Variants in MACROD2 observed in about 807,000 individuals in gnomAD.
MACROD2 encodes the protein ADP-ribose glycohydrolase MACROD2.
Under a neutral mutation model 70.4 loss-of-function variants are expected in MACROD2, and 36 were observed. That is an observed-to-expected ratio of 0.51 (90% CI 0.39 to 0.68). The LOEUF (loss-of-function observed/expected upper bound fraction) is 0.68. Ranked by LOEUF, MACROD2 falls within the 30% of genes least tolerant of loss-of-function variation. The pLI, the probability that MACROD2 is intolerant of heterozygous loss-of-function variation, is 0.00. For missense variants in MACROD2, 496 were observed against 538.4 expected (o/e 0.92, Z 0.78); for synonymous variants, 172 against 178.8 (o/e 0.96, Z 0.30).
At chr20:15,592,795 G>A (rs1207347141) in intron 8 of MACROD2, among the ~76,000 whole-genome samples, 1 of 152,110 alleles carries the variant, frequency 6.6e-6, no homozygotes, top group East Asian at 1.9e-4. Context: ...AAATATGCTG[G>A]AATAACTGGA....
At chr20:14,526,738 G>C (rs2423800) in intron 4 of MACROD2, among the ~76,000 whole-genome samples, 124,734 of 152,222 alleles carry the variant, frequency 0.82, 51,516 homozygotes, top group East Asian at 1. Context: ...TCCTGCTGCT[G>C]AAACCTCTAG....
At chr20:15,896,526 A>T (rs2064975073) in intron 10 of MACROD2, among the ~76,000 whole-genome samples, 1 of 138,734 alleles carries the variant, frequency 7.2e-6, no homozygotes, top group Non-Finnish European at 1.5e-5. Context: ...CAGTTTGTTA[A>T]TGTCACAATC....
chr20:14,672,341 G>A (rs2030826682), intron 4 of MACROD2, among the ~76,000 whole-genome samples: 1 of 152,214 alleles, frequency 6.6e-6, no homozygotes, highest in African/African-American at 2.4e-5. Context: ...GCTAAGCAGA[G>A]TTCTAAGAGA....
At chr20:15,220,723 G>C (rs1601248591) in intron 5 of MACROD2, among the ~76,000 whole-genome samples, 1 of 152,200 alleles carries the variant, frequency 6.6e-6, no homozygotes, top group South Asian at 2.1e-4. Flanking sequence ...CACAGTGTAG[G>C]AATCTCCATG....
chr20:15,796,046 G>A (rs1443669373), intron 8 of MACROD2, among the ~76,000 whole-genome samples: 2 of 152,172 alleles, frequency 1.3e-5, no homozygotes, highest in African/African-American at 4.8e-5. Flanking sequence ...TTCAGTGGGG[G>A]TGCATCTGTT....
chr20:14,907,595 T>C (rs999047836), intron 5 of MACROD2, among the ~76,000 whole-genome samples: 4 of 152,054 alleles, frequency 2.6e-5, no homozygotes, highest in African/African-American at 9.7e-5. Flanking sequence ...TAAATTAGAA[T>C]TTGCTGGGTC....
chr20:16,034,262 A>T (rs985921939), intron 15 of MACROD2, among the ~76,000 whole-genome samples: 40 of 151,964 alleles, frequency 2.6e-4, no homozygotes, highest in Non-Finnish European at 1.5e-5. Flanking sequence ...TTTGTGGGAA[A>T]GCATCATTAC....
intron 5 of MACROD2, among the ~76,000 whole-genome samples, chr20:14,727,956 C>T (rs2071549538): frequency 6.6e-6 from 1 of 152,056 alleles, no homozygotes; most frequent in Admixed American, 6.6e-5. Flanking sequence ...TTTCATAGCC[C>T]ATGAATTTCA....
chr20:15,407,217 G>A (rs1412722072), intron 6 of MACROD2, among the ~76,000 whole-genome samples: 2 of 152,188 alleles, frequency 1.3e-5, no homozygotes, highest in African/African-American at 4.8e-5. Context: ...GGGAGGTTGT[G>A]CTTTGTTCAG....
intron 8 of MACROD2, among the ~76,000 whole-genome samples, chr20:15,810,017 C>T (rs915066732): frequency 7.8e-6 from 1 of 128,568 alleles, no homozygotes; most frequent in Admixed American, 8.0e-5. Context: ...CTCCCCCCTC[C>T]CCCCACCCCA....
chr20:15,821,172 A>G (rs140619215), intron 8 of MACROD2, among the ~76,000 whole-genome samples: 3 of 152,220 alleles, frequency 2.0e-5, no homozygotes, highest in African/African-American at 7.2e-5. Flanking sequence ...TCGTGTATAT[A>G]TTTCCTTAAA....
intron 5 of MACROD2, among the ~76,000 whole-genome samples, chr20:14,880,317 AT>A (rs1489907933): frequency 1.3e-5 from 2 of 152,166 alleles, no homozygotes; most frequent in African/African-American, 4.8e-5. Flanking sequence ...GCTGCATTTC[AT>A]GTGACAATTC....
intron 3 of MACROD2, among the ~76,000 whole-genome samples, chr20:14,276,186 A>C (rs1346501124): frequency 6.6e-6 from 1 of 152,156 alleles, no homozygotes; most frequent in Non-Finnish European, 1.5e-5. Context: ...GCGTATGTTT[A>C]TTGCAGCACT....
intron 8 of MACROD2, among the ~76,000 whole-genome samples, chr20:15,733,215 A>G (rs1232867369): frequency 6.6e-6 from 1 of 152,030 alleles, no homozygotes; most frequent in Non-Finnish European, 1.5e-5. Context: ...TCTTTCATGT[A>G]TGATATTAGT....
chr20:14,500,969 A>T (rs2084908806), intron 4 of MACROD2, among the ~76,000 whole-genome samples: 1 of 151,838 alleles, frequency 6.6e-6, no homozygotes, highest in Non-Finnish European at 1.5e-5. Flanking sequence ...CAACATGTTT[A>T]TATAGTTCGG....
At chr20:15,660,737 C>T (rs2049809046) in intron 8 of MACROD2, among the ~76,000 whole-genome samples, 4 of 152,192 alleles carry the variant, frequency 2.6e-5, no homozygotes, top group Admixed American at 2.0e-4. Flanking sequence ...GACCCACAGG[C>T]ATGAACTGTG....
chr20:14,322,202 T>TATATATATATATA lies in MACROD2; in HGVS notation c.272-171277_272-171276insATATATATATATA, dbSNP rs1568553958. 1.9e-4 allele frequency among the ~76,000 whole-genome samples: 10 copies of TATATATATATATA among 53,736 alleles called. No individual in the cohort carries two copies. The East Asian group carries it at 3.0e-3, about 16-fold the overall frequency. The allele number at this position is 53,736 out of a possible 152,430, so 35.3% of individuals were successfully genotyped here. A position where few individuals can be genotyped will look rare whatever the true frequency, so the allele number is the denominator to read the frequency against. ...TATATATATATATATATATATATAT[T>TATATATATATATA]TTGTATTTTGCAAAGCAACTGGATT... On this transcript the variant is annotated intron_variant, in intron 3 of 17. Coordinates refer to ENST00000684519, the MANE Select transcript of MACROD2 (RefSeq NM_001351661.2).
At chr20:14,850,092 G>A (rs759755930) in intron 5 of MACROD2, 5 of 451,270 alleles carry the variant, frequency 1.1e-5, no homozygotes, top group Admixed American at 2.5e-5. Flanking sequence ...CCAAAATAAC[G>A]TAGGATGGAG....
At chr20:14,100,657 A>AATATATATTT (rs1206107917) in intron 3 of MACROD2, among the ~76,000 whole-genome samples, 3,272 of 139,284 alleles carry the variant, frequency 0.023, 110 homozygotes, top group African/African-American at 0.071. Context: ...AATATATATA[A>AATATATATTT]ATATATATTT....
Sources: gnomAD v4.1 joint callset for allele counts (sites outside exome capture counted in the v4.1 genomes callset) on GRCh38, gnomAD v4.1.1 for gene constraint, MANE v1.5 for transcripts, NCBI Gene and HGNC (gene_info 2026-07-23, HGNC 2026-07-21) for gene names.